BARD1: variants seen among roughly 807,000 people sequenced by gnomAD.
BARD1 encodes BRCA1-associated RING domain protein 1.
A neutral mutation model predicts 77.0 loss-of-function variants in BARD1; 73 were observed. The ratio of observed to expected loss-of-function variants is 0.95; its 90% CI spans 0.79 to 1.15. BARD1 has a LOEUF of 1.15. Ranked by LOEUF, BARD1 falls within the 50% of genes most tolerant of loss-of-function variation. BARD1 has a pLI of 0.00. For synonymous variants in BARD1, 384 were observed against 338.0 expected (o/e 1.14, Z -1.49); for missense variants, 993 against 938.8 (o/e 1.06, Z -0.75).
chr2:214,734,237 T>C (rs1490263243), intron 9 of BARD1, among the ~76,000 whole-genome samples: 1 of 152,084 alleles, frequency 6.6e-6, no homozygotes, highest in Non-Finnish European at 1.5e-5. Context: ...TATTCAAAAA[T>C]ACTAATAAAG....
intron 1 of BARD1, among the ~76,000 whole-genome samples, chr2:214,798,757 C>T (rs1434704980): frequency 1.7e-5 from 2 of 119,988 alleles, no homozygotes; most frequent in East Asian, 4.7e-4. Flanking sequence ...CTGCGAATAA[C>T]CACTATTAAA....
chr2:214,749,448 A>C (rs192851889), intron 7 of BARD1, among the ~76,000 whole-genome samples: 110 of 152,270 alleles, frequency 7.2e-4, no homozygotes, highest in Non-Finnish European at 1.3e-3. Flanking sequence ...TAAAACTCAA[A>C]AGGCCATGTC....
chr2:214,757,742 T>C (rs1304352956), intron 6 of BARD1, among the ~76,000 whole-genome samples: 10 of 152,016 alleles, frequency 6.6e-5, no homozygotes. Context: ...ATAGAAACAA[T>C]GTCCTCACAG....
At chr2:214,807,794 C>T (rs894108817) in intron 1 of BARD1, among the ~76,000 whole-genome samples, 6 of 152,196 alleles carry the variant, frequency 3.9e-5, no homozygotes, top group Non-Finnish European at 7.3e-5. Context: ...TGAACTCAGG[C>T]ATTCTGACCA....
chr2:214,730,638 C>T (rs1692315483), intron 9 of BARD1, 130 bp from the exon 10 acceptor site: 1 of 739,540 alleles, frequency 1.4e-6, no homozygotes, highest in Non-Finnish European at 2.3e-6. Flanking sequence ...TTCTAAAATG[C>T]AAACAGAAAT....
At chr2:214,781,635 G>T in intron 3 of BARD1, 126 bp from the exon 4 acceptor site, 1 of 726,060 alleles carries the variant, frequency 1.4e-6, no homozygotes, top group Non-Finnish European at 2.2e-6. Context: ...TTCTTTCTCA[G>T]CTCCTAGAGT....
chr2:214,734,384 C>A (rs1289634855), intron 9 of BARD1, among the ~76,000 whole-genome samples: 1 of 152,060 alleles, frequency 6.6e-6, no homozygotes, highest in African/African-American at 2.4e-5. Context: ...ATTGTTACTT[C>A]TCTGGGTTTA....
At chr2:214,806,223 T>G (rs779064374) in intron 1 of BARD1, among the ~76,000 whole-genome samples, 1 of 152,176 alleles carries the variant, frequency 6.6e-6, no homozygotes, top group Non-Finnish European at 1.5e-5. Context: ...TAATGCTTGC[T>G]GCAAAACAGA....
rs1342479754 is a variant in BARD1 at position 214,728,026 on chromosome 2, G to A, written c.*650C>T. On this transcript the variant is annotated 3_prime_UTR_variant, in exon 11 of 11. Transcript: ENST00000260947. ...TAAAAATATGTACCATGAGCCTAGT[G>A]TTGATTTTTACCACACACACAAAAA... 4.5e-6 allele frequency: 1 copy of A among 223,192 alleles called. No homozygotes were observed. The highest frequency in any genetic ancestry group is 8.9e-6 in the Non-Finnish European group (1 of 111,880). The allele number at this position is 223,192 out of a possible 1,614,324, so 13.8% of individuals were successfully genotyped here.
rs373249008 is a variant in BARD1 at position 214,781,312 on chromosome 2, G to A, written c.562C>T (p.Pro188Ser). Residue 188 changes from proline (P) to serine (S), a missense_variant, in exon 4 of 11, where the codon CCT becomes TCT. Pro to Ser is a moderately conservative substitution (Grantham distance 74). Transcript: ENST00000260947. ...TTAGCCCTCTCAGAAACATCTGCAG[G>A]AGGACTTGGGGAAACAAATTCATAT... Reference protein sequence around the residue: ...DSYEFVSPSPPADVSERAKKA... With the variant: ...DSYEFVSPSPSADVSERAKKA... 1.2e-6 allele frequency: 2 copies of A among 1,611,936 alleles called. No homozygotes were observed. Among genetic ancestry groups the A allele is most frequent in the Non-Finnish European group, 1.7e-6 (2 of 1,179,592 alleles).
intron 6 of BARD1, among the ~76,000 whole-genome samples, chr2:214,759,592 G>T (rs1310786282): frequency 6.6e-6 from 1 of 151,994 alleles, no homozygotes; most frequent in Non-Finnish European, 1.5e-5. Flanking sequence ...TTATTTAAAT[G>T]CAAGACATAT....
In BARD1 at chr2:214,727,120, A is replaced by C. The variant is rs1692116191; in HGVS notation, c.*1556T>G. ...GAATGAAATGTGGGACAAATGCATT[A>C]CTGGTTGTAGAGAGTGTTTCAGAGC... is the stretch of plus-strand genomic sequence containing the variant. On this transcript the variant is annotated 3_prime_UTR_variant, in exon 11 of 11. Transcript: ENST00000260947. 4.6e-6 allele frequency: 1 copy of C among 216,422 alleles called. No individual in the cohort carries two copies. Among genetic ancestry groups the C allele is most frequent in the African/African-American group, 2.2e-5 (1 of 44,520 alleles). 13.4% of individuals were successfully genotyped at this position (216,422 alleles called of 1,614,324 possible).
At chr2:214,796,775 C>T (rs560328495) in intron 2 of BARD1, 4 of 360,526 alleles carry the variant, frequency 1.1e-5, no homozygotes, top group Admixed American at 8.6e-5. Flanking sequence ...AATTTAAAAA[C>T]ATCTATTTGA....
Position 214,745,703 on chromosome 2 carries a change from C to G in BARD1, c.1810+19G>C. On this transcript the variant is annotated intron_variant, in intron 8 of 10. Transcript: ENST00000260947. Reference sequence around the variant, plus strand: ...TTAACATTTTTTCTACCCCACCTCCCAAAATTCAAAATCCTCACCTGTACT... The same window carrying G: ...TTAACATTTTTTCTACCCCACCTCCGAAAATTCAAAATCCTCACCTGTACT... 6.2e-7 allele frequency: 1 copy of G among 1,613,904 alleles called. No homozygotes were observed. The highest frequency in any genetic ancestry group is 2.2e-5 in the East Asian group (1 of 44,844).
intron 7 of BARD1, among the ~76,000 whole-genome samples, chr2:214,750,657 A>C (rs4672728): frequency 6.6e-6 from 1 of 151,836 alleles, no homozygotes; most frequent in South Asian, 2.1e-4. Context: ...ACTGACCCTA[A>C]CCTCCAGCCC....
Position 214,767,496 on chromosome 2 carries a change from G to A in BARD1, c.1554C>T (p.Ala518=), listed in dbSNP as rs139612775. 2.8e-5 allele frequency: 45 copies of A among 1,613,600 alleles called. No homozygotes were observed. The African/African-American group carries it at 4.1e-4, about 15-fold the overall frequency. ...DIVKLLLSYG[A]SRNAVNIFGL... Reference sequence around the variant, plus strand: ...GAACTACTTACACAGCATTTCTGGAGGCTCCATAGGAAAGTAACAGCTTGA... The same window carrying A: ...GAACTACTTACACAGCATTTCTGGAAGCTCCATAGGAAAGTAACAGCTTGA... Residue 518 remains alanine, a synonymous_variant, in exon 6 of 11, where the codon GCC becomes GCT. Transcript: ENST00000260947.
intron 7 of BARD1, among the ~76,000 whole-genome samples, chr2:214,750,098 C>T (rs1230749718): frequency 3.3e-5 from 5 of 152,106 alleles, no homozygotes; most frequent in Non-Finnish European, 7.4e-5. Context: ...GACCTCAGCT[C>T]CTCCCTTTCT....
At chr2:214,785,529 C>T (rs935359319) in intron 3 of BARD1, among the ~76,000 whole-genome samples, 15 of 151,784 alleles carry the variant, frequency 9.9e-5, no homozygotes, top group Admixed American at 2.0e-4. Flanking sequence ...CAAATGTTTA[C>T]GTAAGAGATG....
intron 2 of BARD1, among the ~76,000 whole-genome samples, chr2:214,793,064 C>A (rs921916953): frequency 1.3e-5 from 2 of 152,150 alleles, no homozygotes; most frequent in African/African-American, 2.4e-5. Context: ...CGATCCCCCC[C>A]ACAAGCCCAT....
Sources: allele counts gnomAD v4.1 joint callset (sites outside exome capture counted in the v4.1 genomes callset), GRCh38; gene constraint gnomAD v4.1.1; transcripts MANE v1.5; gene names NCBI Gene and HGNC (gene_info 2026-07-23, HGNC 2026-07-21).